Variants in DRICH1 observed in about 807,000 individuals in gnomAD.
The protein encoded by DRICH1 is aspartate-rich protein 1.
DRICH1 carries 38 observed loss-of-function variants against 39.5 expected under a neutral mutation model. That is an observed-to-expected ratio of 0.96 (90% CI 0.74 to 1.26). The LOEUF (loss-of-function observed/expected upper bound fraction) is 1.26, where lower values mean the gene tolerates loss of function less well. Ranked by LOEUF, DRICH1 falls within the 50% of genes most tolerant of loss-of-function variation. The probability of loss-of-function intolerance (pLI) is 0.00; values close to 1 mark genes in which losing one functional copy is unlikely to be tolerated. For synonymous variants in DRICH1, 84 were observed against 99.5 expected, an observed-to-expected ratio of 0.84 and a Z score of 0.93; for missense variants, 279 against 270.4, an observed-to-expected ratio of 1.03 and a Z score of -0.22.
intron 4 of DRICH1, 52 bp from the exon 5 acceptor site, chr22:23,620,667 C>A: frequency 6.3e-7 from 1 of 1,591,618 alleles, no homozygotes; most frequent in Non-Finnish European, 8.6e-7. Context: ...TTCTGCTGCA[C>A]CCCTTACACA....
intron 8 of DRICH1, 89 bp downstream of exon 8, chr22:23,616,764 A>T: frequency 1.9e-6 from 3 of 1,538,630 alleles, no homozygotes; most frequent in Non-Finnish European, 2.7e-6. Context: ...CACCCCCAAT[A>T]TTTTTTAACA....
chr22:23,624,944 A>T, intron 2 of DRICH1, 40 bp from the exon 3 acceptor site: 1 of 1,605,690 alleles, frequency 6.2e-7, no homozygotes, highest in Non-Finnish European at 8.5e-7. Flanking sequence ...GGATCAGATC[A>T]ATTCTGCTGC....
chr22:23,621,000 A>G (rs1322407587), intron 4 of DRICH1, among the ~76,000 whole-genome samples: 2 of 152,292 alleles, frequency 1.3e-5, no homozygotes, highest in Middle Eastern at 3.4e-3. Context: ...CTCCATCCTC[A>G]CAGAGAGAAC....
chr22:23,625,371 T>C (rs8137649), intron 2 of DRICH1, among the ~76,000 whole-genome samples: 6,145 of 152,042 alleles, frequency 0.04, 487 homozygotes, highest in African/African-American at 0.14. Flanking sequence ...CAGTGGTCCA[T>C]TTTTAACACA....
At chr22:23,608,822 C>T (rs989666112) in intron 11 of DRICH1, 54 bp from the exon 12 acceptor site, 11 of 1,546,192 alleles carry the variant, frequency 7.1e-6, no homozygotes, top group Non-Finnish European at 9.6e-6. Flanking sequence ...GCTTTGTGCA[C>T]TATGACATCA....
chr22:23,582,555 C>CTTATTATTATTAA, the DRICH1 span, among the ~76,000 whole-genome samples: 1 of 143,872 alleles, frequency 7.0e-6, no homozygotes, highest in African/African-American at 2.6e-5. Flanking sequence ...CCTTCAGGGG[C>CTTATTATTATTAA]TTATTATTAT....
chr22:23,598,267 A>G, the DRICH1 span, among the ~76,000 whole-genome samples: 1 of 150,048 alleles, frequency 6.7e-6, no homozygotes, highest in East Asian at 1.9e-4. Context: ...CAGGGAGGGA[A>G]AGGTACTTGC....
intron 8 of DRICH1, among the ~76,000 whole-genome samples, chr22:23,614,731 T>A (rs1927251648): frequency 6.6e-6 from 1 of 152,244 alleles, no homozygotes; most frequent in African/African-American, 2.4e-5. Context: ...AAAAATTCAA[T>A]ATTAAAATGC....
intron 3 of DRICH1, 100 bp from the exon 4 acceptor site, chr22:23,622,276 C>T (rs535618144): frequency 9.7e-7 from 1 of 1,028,250 alleles, no homozygotes; most frequent in Admixed American, 1.7e-5. Context: ...GGTTGATTAA[C>T]AAGCATGGAC....
At chr22:23,616,818 G>C in intron 8 of DRICH1, 35 bp downstream of exon 8, 2 of 1,613,234 alleles carry the variant, frequency 1.2e-6, no homozygotes, top group Non-Finnish European at 1.7e-6. Context: ...CAGCAAGTTT[G>C]TTTCTCAGAA....
downstream of DRICH1, among the ~76,000 whole-genome samples, chr22:23,604,822 C>T (rs527353243): frequency 2.0e-5 from 3 of 152,348 alleles, no homozygotes; most frequent in African/African-American, 7.2e-5. Context: ...TAGCTAAAGC[C>T]TTATGACTTT....
chr22:23,618,762 A>T (rs1927529446), intron 6 of DRICH1, among the ~76,000 whole-genome samples: 1 of 152,236 alleles, frequency 6.6e-6, no homozygotes, highest in Non-Finnish European at 1.5e-5. Flanking sequence ...ATCAATAGAA[A>T]TGAACAAATT....
intron 11 of DRICH1, among the ~76,000 whole-genome samples, chr22:23,611,846 C>A (rs767273242): frequency 6.6e-6 from 1 of 152,044 alleles, no homozygotes; most frequent in Non-Finnish European, 1.5e-5. Context: ...TACTGCGCTG[C>A]GTCATTACAG....
At chr22:23,601,400 T>C in the DRICH1 span, among the ~76,000 whole-genome samples, 131 of 152,320 alleles carry the variant, frequency 8.6e-4, no homozygotes, top group Middle Eastern at 3.4e-3. Context: ...AGGTTGCAAT[T>C]GAGCCACCTG....
downstream of DRICH1, among the ~76,000 whole-genome samples, chr22:23,607,369 T>C (rs566335133): frequency 1.1e-4 from 16 of 152,260 alleles, no homozygotes; most frequent in Admixed American, 2.6e-4. Flanking sequence ...CCAGGTCACA[T>C]AGGATCACAG....
intron 1 of DRICH1, among the ~76,000 whole-genome samples, chr22:23,627,554 T>G (rs1358893924): frequency 6.6e-6 from 1 of 151,792 alleles, no homozygotes; most frequent in African/African-American, 2.4e-5. Flanking sequence ...GGTTACTTCC[T>G]GGGCATCTAC....
chr22:23,629,418 G>A (rs1218137839), intron 1 of DRICH1, among the ~76,000 whole-genome samples: 1 of 152,094 alleles, frequency 6.6e-6, no homozygotes, highest in Non-Finnish European at 1.5e-5. Context: ...CCCAACAGTG[G>A]GACAGTCCAT....
the DRICH1 span, among the ~76,000 whole-genome samples, chr22:23,590,220 T>G: frequency 6.6e-6 from 1 of 152,128 alleles, no homozygotes; most frequent in East Asian, 1.9e-4. Context: ...TTTTAGTGAT[T>G]GATTTCTAGC....
At chr22:23,590,059 G>C in the DRICH1 span, among the ~76,000 whole-genome samples, 3 of 152,062 alleles carry the variant, frequency 2.0e-5, no homozygotes, top group Non-Finnish European at 4.4e-5. Flanking sequence ...TTGTGGAATT[G>C]GTCGAAGGTT....
Sources: gnomAD v4.1 joint callset for allele counts (sites outside exome capture counted in the v4.1 genomes callset) on GRCh38, gnomAD v4.1.1 for gene constraint, MANE v1.5 for transcripts, NCBI Gene and HGNC (gene_info 2026-07-23, HGNC 2026-07-21) for gene names.